CDH19: variants seen among roughly 807,000 people sequenced by gnomAD.
CDH19 encodes the protein cadherin 19.
A neutral mutation model predicts 64.2 loss-of-function variants in CDH19; 67 were observed. The ratio of observed to expected loss-of-function variants is 1.04; its 90% CI spans 0.86 to 1.28. The LOEUF is 1.28. Ranked by LOEUF, CDH19 falls within the 50% of genes most tolerant of loss-of-function variation. The probability of loss-of-function intolerance (pLI) is 0.00; values close to 1 mark genes in which losing one functional copy is unlikely to be tolerated. For missense variants in CDH19, 1,030 were observed against 929.0 expected (o/e 1.11, Z -1.41); for synonymous variants, 346 against 319.3 (o/e 1.08, Z -0.89).
rs573534061 is a variant in CDH19 at position 66,516,899 on chromosome 18, A to G, written c.1459-5214T>C. Among the ~76,000 whole-genome samples the G allele has an allele frequency of 2.6e-5, 4 of 152,228 alleles. No individual in the cohort carries two copies. The South Asian group carries it at 8.3e-4, about 32-fold the overall frequency. Reference sequence around the variant, plus strand: ...AAAGACATATGTAGGAGATGGGATCAACAGAACCAAATTATTGATTGGATA... The same window carrying G: ...AAAGACATATGTAGGAGATGGGATCGACAGAACCAAATTATTGATTGGATA... On this transcript the variant is annotated intron_variant, in intron 9 of 11. Coordinates refer to ENST00000262150, the MANE Select transcript of CDH19 (RefSeq NM_021153.4).
At chr18:66,590,067 T>C (rs1438110391) in intron 1 of CDH19, among the ~76,000 whole-genome samples, 1 of 151,866 alleles carries the variant, frequency 6.6e-6, no homozygotes, top group East Asian at 1.9e-4. Flanking sequence ...CAAATAAGGG[T>C]TAGTTTGATC....
At chr18:66,582,383 C>A (rs755744145) in intron 1 of CDH19, among the ~76,000 whole-genome samples, 9 of 151,876 alleles carry the variant, frequency 5.9e-5, no homozygotes, top group Non-Finnish European at 1.2e-4. Context: ...GGCAGCTTCA[C>A]AGAATGACAC....
At chr18:66,566,620 C>A (rs1987921239) in intron 3 of CDH19, among the ~76,000 whole-genome samples, 2 of 151,952 alleles carry the variant, frequency 1.3e-5, no homozygotes, top group East Asian at 1.9e-4. Flanking sequence ...TATCAAAAAA[C>A]CAGGGGTCTT....
intron 1 of CDH19, 85 bp downstream of exon 1, chr18:66,603,869 A>C (rs896504440): frequency 6.6e-6 from 1 of 152,092 alleles, no homozygotes; most frequent in African/African-American, 2.4e-5. Flanking sequence ...TTTCCTAGCA[A>C]CATTTTGTCA....
At chr18:66,578,060 T>C (rs1360444731) in intron 1 of CDH19, among the ~76,000 whole-genome samples, 2 of 151,946 alleles carry the variant, frequency 1.3e-5, no homozygotes, top group Non-Finnish European at 2.9e-5. Flanking sequence ...ACTTGGATAA[T>C]ACAGGATAAT....
intron 1 of CDH19, among the ~76,000 whole-genome samples, chr18:66,588,962 A>G (rs1988662837): frequency 6.6e-6 from 1 of 151,660 alleles, no homozygotes; most frequent in South Asian, 2.1e-4. Context: ...TCCAACAATA[A>G]TAACAACACA....
Position 66,544,227 on chromosome 18 carries a change from G to A in CDH19, c.961-3C>T. On this transcript the variant is annotated splice_polypyrimidine_tract_variant and splice_region_variant and intron_variant, in intron 6 of 11. Transcript: ENST00000262150. The stretch of plus-strand genomic sequence containing the variant: ...TTCTGGTGCTCAAAATCCACTTTCT[G>A]CAAAGAAACACAGTATACACAAAAG... 6.2e-7 allele frequency: 1 copy of A among 1,611,632 alleles called. No individual in the cohort carries two copies.
intron 7 of CDH19, among the ~76,000 whole-genome samples, chr18:66,537,437 A>G (rs1165332181): frequency 6.6e-6 from 1 of 152,016 alleles, no homozygotes; most frequent in Admixed American, 6.6e-5. Context: ...TCAGGGGAAC[A>G]TGATGTTCAT....
chr18:66,523,154 C>T (rs910383049), intron 9 of CDH19, among the ~76,000 whole-genome samples: 1 of 152,062 alleles, frequency 6.6e-6, no homozygotes, highest in African/African-American at 2.4e-5. Flanking sequence ...ACTAACAGAT[C>T]ACAGAATCTT....
At chr18:66,506,871 A>T (rs1272760787) in intron 11 of CDH19, among the ~76,000 whole-genome samples, 2 of 151,966 alleles carry the variant, frequency 1.3e-5, no homozygotes, top group African/African-American at 4.8e-5. Context: ...ATCTAAATTA[A>T]ATAAGGTCAC....
At chr18:66,566,873 G>C (rs500289) in intron 3 of CDH19, among the ~76,000 whole-genome samples, 1 of 151,514 alleles carries the variant, frequency 6.6e-6, no homozygotes, top group Non-Finnish European at 1.5e-5. Context: ...CTCATTCATT[G>C]CCATGCCTGA....
intron 11 of CDH19, 60 bp downstream of exon 11, chr18:66,508,935 C>T (rs1985332901): frequency 6.5e-7 from 1 of 1,549,182 alleles, no homozygotes; most frequent in Non-Finnish European, 8.8e-7. Context: ...TTCAGTTCAG[C>T]ACCACCTACC....
chr18:66,580,873 A>G (rs910850931), intron 1 of CDH19, among the ~76,000 whole-genome samples: 7 of 152,138 alleles, frequency 4.6e-5, no homozygotes, highest in Admixed American at 1.3e-4. Flanking sequence ...TAATGGTCAT[A>G]CATTTCAGCA....
At chr18:66,520,838 C>G (rs8086758) in intron 9 of CDH19, among the ~76,000 whole-genome samples, 66,620 of 151,778 alleles carry the variant, frequency 0.44, 15,334 homozygotes, top group African/African-American at 0.57. Flanking sequence ...AACGTTGCTC[C>G]TGTAGGATGA....
At chr18:66,550,527 T>A (rs151017586) in intron 5 of CDH19, among the ~76,000 whole-genome samples, 1 of 152,062 alleles carries the variant, frequency 6.6e-6, no homozygotes, top group Non-Finnish European at 1.5e-5. Context: ...GGGAACATTA[T>A]CCTGCTTTAT....
At chr18:66,522,986 A>C (rs1003289612) in intron 9 of CDH19, among the ~76,000 whole-genome samples, 1 of 152,004 alleles carries the variant, frequency 6.6e-6, no homozygotes, top group African/African-American at 2.4e-5. Context: ...ATACTAATTA[A>C]AAATAGTTGA....
intron 5 of CDH19, among the ~76,000 whole-genome samples, chr18:66,548,095 T>C (rs980883202): frequency 6.8e-6 from 1 of 147,024 alleles, no homozygotes; most frequent in Admixed American, 6.8e-5. Flanking sequence ...ATATATTATA[T>C]ATTTGTTATA....
At chr18:66,565,991 A>G (rs1568200766) in intron 3 of CDH19, among the ~76,000 whole-genome samples, 1 of 151,970 alleles carries the variant, frequency 6.6e-6, no homozygotes, top group African/African-American at 2.4e-5. Context: ...TGTGCTTGCT[A>G]GATATTGCAC....
At chr18:66,523,549 A>C (rs1021944002) in intron 9 of CDH19, among the ~76,000 whole-genome samples, 1 of 147,498 alleles carries the variant, frequency 6.8e-6, no homozygotes, top group Non-Finnish European at 1.5e-5. Flanking sequence ...GAGGATAAAT[A>C]TGCAGGACTT....
Sources: gnomAD v4.1 joint callset for allele counts (sites outside exome capture counted in the v4.1 genomes callset) on GRCh38, gnomAD v4.1.1 for gene constraint, MANE v1.5 for transcripts, NCBI Gene and HGNC (gene_info 2026-07-23, HGNC 2026-07-21) for gene names.